MIB1: variants seen among roughly 807,000 people sequenced by gnomAD.
The protein encoded by MIB1 is MIB E3 ubiquitin protein ligase 1, also known as E3 ubiquitin-protein ligase MIB1.
A neutral mutation model predicts 124.5 loss-of-function variants in MIB1; 278 were observed. The ratio of observed to expected loss-of-function variants is 2.23; its 90% CI spans 2.02 to 2.47. The LOEUF is 2.47. Ranked by LOEUF, MIB1 falls within the 30% of genes most tolerant of loss-of-function variation. MIB1 has a pLI of 0.00. For missense variants in MIB1, 957 were observed against 1,254.4 expected (o/e 0.76, Z 3.58); for synonymous variants, 446 against 429.4 (o/e 1.04, Z -0.48).
chr18:21,742,309 CAG>C (rs1189303359), intron 1 of MIB1, among the ~76,000 whole-genome samples: 2 of 147,448 alleles, frequency 1.4e-5, no homozygotes, highest in African/African-American at 2.5e-5. Context: ...TCCTGTGACA[CAG>C]AATTACTTGG....
chr18:21,838,218 C>T (rs1000316319), intron 12 of MIB1, 147 bp from the exon 13 acceptor site: 22 of 570,490 alleles, frequency 3.9e-5, no homozygotes, highest in Admixed American at 1.5e-4. Flanking sequence ...ATTAAAGCTG[C>T]ACATTTGAGA....
rs996118580 is a variant in MIB1 at position 21,869,768 on chromosome 18, A to G, written c.*5102A>G. The G allele has an allele frequency of 6.9e-6, 1 of 144,554 alleles. No individual in the cohort carries two copies. Among genetic ancestry groups the G allele is most frequent in the African/African-American group, 2.6e-5 (1 of 39,028 alleles). 9.0% of individuals were successfully genotyped at this position (144,554 alleles called of 1,614,324 possible). A position where few individuals can be genotyped will look rare whatever the true frequency, so the allele number is the denominator to read the frequency against. On this transcript the variant is annotated 3_prime_UTR_variant, in exon 21 of 21. Transcript: ENST00000261537. The stretch of plus-strand genomic sequence containing the variant: ...TGAAAGGAGGATCTGTTTGGGAAAC[A>G]TAGATTGTCTTCCCCTCAAATGAGG...
At chr18:21,862,776 G>A (rs2042287297) in intron 20 of MIB1, among the ~76,000 whole-genome samples, 1 of 152,140 alleles carries the variant, frequency 6.6e-6, no homozygotes. Context: ...CCAGGACTGA[G>A]ATTGTATCCT....
chr18:21,868,965 A>G lies in MIB1; in HGVS notation c.*4299A>G, dbSNP rs975030623. 3.9e-5 allele frequency: 6 copies of G among 152,426 alleles called. No individual in the cohort carries two copies. Among genetic ancestry groups the G allele is most frequent in the African/African-American group, 1.4e-4 (6 of 41,430 alleles). 9.4% of individuals were successfully genotyped at this position (152,426 alleles called of 1,614,324 possible). A position where few individuals can be genotyped will look rare whatever the true frequency, so the allele number is the denominator to read the frequency against. On this transcript the variant is annotated 3_prime_UTR_variant, in exon 21 of 21. Transcript: ENST00000261537. ...CGATGAATTAAAATTGTAAATTGCTACATTGGCATTTTCTACCTCCTTTTC... is the reference window on the plus strand; with the variant it reads ...CGATGAATTAAAATTGTAAATTGCTGCATTGGCATTTTCTACCTCCTTTTC...
intron 1 of MIB1, among the ~76,000 whole-genome samples, chr18:21,733,322 A>G (rs2040780892): frequency 6.6e-6 from 1 of 152,196 alleles, no homozygotes; most frequent in South Asian, 2.1e-4. Context: ...GTGGGGGTTC[A>G]TACTTTCCTA....
chr18:21,800,523 C>G (rs1000947060), intron 9 of MIB1, among the ~76,000 whole-genome samples: 17 of 152,062 alleles, frequency 1.1e-4, no homozygotes, highest in Admixed American at 1.1e-3. Context: ...TTCATTCAAG[C>G]TATCTTTTAA....
chr18:21,859,243 C>T (rs1470648959), intron 20 of MIB1, among the ~76,000 whole-genome samples: 1 of 151,954 alleles, frequency 6.6e-6, no homozygotes. Flanking sequence ...GACCGCAACT[C>T]TACAAATAAG....
At chr18:21,716,056 T>C (rs1399120486) in intron 1 of MIB1, among the ~76,000 whole-genome samples, 1 of 152,170 alleles carries the variant, frequency 6.6e-6, no homozygotes, top group African/African-American at 2.4e-5. Flanking sequence ...CCTAGGCACA[T>C]TGTCATCAGG....
chr18:21,809,896 G>A (rs907291663), intron 10 of MIB1, among the ~76,000 whole-genome samples: 1 of 152,012 alleles, frequency 6.6e-6, no homozygotes, highest in Non-Finnish European at 1.5e-5. Context: ...GCTGACCAGA[G>A]CAATTAGGCA....
chr18:21,748,986 T>G (rs1213069463), intron 1 of MIB1, among the ~76,000 whole-genome samples: 1 of 151,988 alleles, frequency 6.6e-6, no homozygotes, highest in Non-Finnish European at 1.5e-5. Flanking sequence ...AAGTGATCCT[T>G]CAACCTCAGC....
At chr18:21,726,295 G>A (rs1329841261) in intron 1 of MIB1, among the ~76,000 whole-genome samples, 1 of 152,092 alleles carries the variant, frequency 6.6e-6, no homozygotes, top group Non-Finnish European at 1.5e-5. Context: ...GCTCACACCT[G>A]TAATCTCAAC....
intron 12 of MIB1, 25 bp downstream of exon 12, chr18:21,819,671 G>A: frequency 7.7e-6 from 11 of 1,427,080 alleles, no homozygotes; most frequent in Admixed American, 2.4e-5. Context: ...ACTATTTTAG[G>A]TGCAATTCAA....
chr18:21,815,875 T>C, intron 11 of MIB1, 62 bp downstream of exon 11: 1 of 1,426,502 alleles, frequency 7.0e-7, no homozygotes, highest in Non-Finnish European at 9.9e-7. Flanking sequence ...AGGGAAACAT[T>C]AAGTTCTATG....
At chr18:21,719,776 A>G (rs184601509) in intron 1 of MIB1, among the ~76,000 whole-genome samples, 3 of 152,004 alleles carry the variant, frequency 2.0e-5, no homozygotes, top group Admixed American at 2.0e-4. Flanking sequence ...TTTTTTCTAA[A>G]AACTCACTCC....
upstream of MIB1, among the ~76,000 whole-genome samples, chr18:21,740,114 A>G (rs1333924884): frequency 4.6e-5 from 7 of 152,230 alleles, no homozygotes; most frequent in Admixed American, 4.6e-4. Flanking sequence ...CGGTGCCAAC[A>G]GTGCTGGCCT....
chr18:21,809,142 G>A (rs2041742223), intron 10 of MIB1, among the ~76,000 whole-genome samples: 1 of 152,186 alleles, frequency 6.6e-6, no homozygotes, highest in African/African-American at 2.4e-5. Flanking sequence ...TGAACAATAT[G>A]CCAACAAATT....
intron 10 of MIB1, chr18:21,812,390 A>G (rs1396593902): frequency 6.6e-6 from 1 of 152,262 alleles, no homozygotes; most frequent in Non-Finnish European, 1.5e-5. Flanking sequence ...TGTGTTTTAC[A>G]GAAAGAATTA....
chr18:21,710,506 T>C (rs2040660912), intron 1 of MIB1, among the ~76,000 whole-genome samples: 1 of 152,192 alleles, frequency 6.6e-6, no homozygotes, highest in African/African-American at 2.4e-5. Context: ...TTCCAGCACT[T>C]TGGGAGGCCA....
chr18:21,858,782 A>G (rs2042249538), intron 20 of MIB1, 136 bp downstream of exon 20: 1 of 550,190 alleles, frequency 1.8e-6, no homozygotes, highest in South Asian at 3.0e-5. Context: ...GCAATGAGTA[A>G]TAATCTGATT....
Sources: gnomAD v4.1 joint callset for allele counts (sites outside exome capture counted in the v4.1 genomes callset) on GRCh38, gnomAD v4.1.1 for gene constraint, MANE v1.5 for transcripts, NCBI Gene and HGNC (gene_info 2026-07-23, HGNC 2026-07-21) for gene names.